GRID1: variants seen among roughly 807,000 people sequenced by gnomAD.
GRID1 encodes glutamate receptor ionotropic, delta-1.
In GRID1, 28 loss-of-function variants were observed where a neutral mutation model predicts 98.0. That is an observed-to-expected ratio of 0.29 (90% confidence interval 0.21 to 0.39). The LOEUF is 0.39. Among genes scored for constraint, GRID1 ranks in the 10% least tolerant of loss-of-function variants. The probability of loss-of-function intolerance (pLI) is 1.00; values close to 1 mark genes in which losing one functional copy is unlikely to be tolerated. For missense variants in GRID1, 1,111 were observed against 1,340.5 expected (o/e 0.83, Z 2.67); for synonymous variants, 553 against 538.5 (o/e 1.03, Z -0.37).
intron 2 of GRID1, among the ~76,000 whole-genome samples, chr10:86,273,754 G>T (rs1373704745): frequency 1.3e-5 from 2 of 152,048 alleles, no homozygotes; most frequent in Admixed American, 1.3e-4. Context: ...ACTTTTTGAT[G>T]GGGTTGTTTG....
chr10:86,122,178 G>C (rs1373847006), intron 4 of GRID1, among the ~76,000 whole-genome samples: 1 of 152,202 alleles, frequency 6.6e-6, no homozygotes, highest in African/African-American at 2.4e-5. Flanking sequence ...CCACAGCCTT[G>C]GGAGTAAGCA....
intron 8 of GRID1, among the ~76,000 whole-genome samples, chr10:85,767,659 G>A (rs1313038224): frequency 6.6e-6 from 1 of 152,130 alleles, no homozygotes; most frequent in Non-Finnish European, 1.5e-5. Flanking sequence ...AAGGGAAAGC[G>A]GTGGGCATTT....
At chr10:85,938,163 C>A (rs776153685) in intron 4 of GRID1, among the ~76,000 whole-genome samples, 3 of 152,210 alleles carry the variant, frequency 2.0e-5, no homozygotes, top group Non-Finnish European at 2.9e-5. Context: ...CAGGGGGAAT[C>A]TGGATGGGAG....
chr10:86,296,202 T>C (rs1262566313), intron 2 of GRID1, among the ~76,000 whole-genome samples: 1 of 152,198 alleles, frequency 6.6e-6, no homozygotes, highest in Non-Finnish European at 1.5e-5. Flanking sequence ...GTGAAACCAT[T>C]AGCAAAATTC....
chr10:86,056,947 C>A (rs1293706944), intron 4 of GRID1, among the ~76,000 whole-genome samples: 1 of 152,242 alleles, frequency 6.6e-6, no homozygotes, highest in African/African-American at 2.4e-5. Flanking sequence ...TCCTGCAGAG[C>A]TGGCGAACTG....
chr10:86,211,155 C>G (rs1846102283), intron 2 of GRID1, among the ~76,000 whole-genome samples: 2 of 152,234 alleles, frequency 1.3e-5, no homozygotes, highest in South Asian at 4.1e-4. Context: ...ATGTGGACAG[C>G]CATTCATGCT....
At chr10:85,826,228 G>A (rs987046861) in intron 8 of GRID1, among the ~76,000 whole-genome samples, 24 of 152,200 alleles carry the variant, frequency 1.6e-4, no homozygotes, top group African/African-American at 4.8e-4. Context: ...CCAGCTACTC[G>A]GGAGGCTAAG....
At chr10:86,012,861 T>C (rs1385185953) in intron 4 of GRID1, among the ~76,000 whole-genome samples, 1 of 152,224 alleles carries the variant, frequency 6.6e-6, no homozygotes, top group Non-Finnish European at 1.5e-5. Context: ...AATAAATTAC[T>C]ATTGTTTATA....
At chr10:85,672,099 C>T (rs756953764) in intron 12 of GRID1, among the ~76,000 whole-genome samples, 9 of 152,196 alleles carry the variant, frequency 5.9e-5, no homozygotes, top group Non-Finnish European at 1.2e-4. Context: ...GAAGATCTAG[C>T]TAAGATCATT....
chr10:86,055,888 C>G (rs1011809406), intron 4 of GRID1, among the ~76,000 whole-genome samples: 2 of 152,146 alleles, frequency 1.3e-5, no homozygotes, highest in Non-Finnish European at 2.9e-5. Context: ...AGAAAAAGAG[C>G]CCTTGCCAGA....
intron 12 of GRID1, among the ~76,000 whole-genome samples, chr10:85,716,801 T>C (rs1295809931): frequency 1.3e-5 from 2 of 151,200 alleles, no homozygotes; most frequent in South Asian, 2.1e-4. Flanking sequence ...GAGGATATTA[T>C]GTTACGTTAA....
intron 4 of GRID1, among the ~76,000 whole-genome samples, chr10:86,020,799 C>T (rs1409632552): frequency 2.6e-5 from 4 of 152,174 alleles, no homozygotes; most frequent in Admixed American, 2.6e-4. Flanking sequence ...CTGGGAGCAG[C>T]ATCTTCCTGG....
At chr10:85,739,663 C>T (rs138679344) in intron 8 of GRID1, among the ~76,000 whole-genome samples, 27 of 152,166 alleles carry the variant, frequency 1.8e-4, no homozygotes, top group South Asian at 4.2e-4. Flanking sequence ...GCTTTAATTA[C>T]ATGGAGCTAG....
At chr10:86,024,151 T>C (rs1024132124) in intron 4 of GRID1, among the ~76,000 whole-genome samples, 22 of 152,206 alleles carry the variant, frequency 1.4e-4, no homozygotes, top group African/African-American at 5.3e-4. Context: ...GAATGGGCAG[T>C]CCGGGATGAG....
At chr10:85,682,771 T>C (rs1281842578) in intron 12 of GRID1, among the ~76,000 whole-genome samples, 1 of 152,188 alleles carries the variant, frequency 6.6e-6, no homozygotes, top group East Asian at 1.9e-4. Context: ...CAACACAGCC[T>C]TGGGCAGATT....
intron 4 of GRID1, among the ~76,000 whole-genome samples, chr10:86,049,878 T>C (rs1303613336): frequency 2.0e-5 from 3 of 152,250 alleles, no homozygotes; most frequent in African/African-American, 4.8e-5. Context: ...TTTAATAGAA[T>C]GTCTATGTTG....
At chr10:86,145,259 G>C (rs1288708222) in intron 3 of GRID1, among the ~76,000 whole-genome samples, 1 of 152,114 alleles carries the variant, frequency 6.6e-6, no homozygotes, top group Non-Finnish European at 1.5e-5. Context: ...TCTCGCTCTT[G>C]TTGCCCAGGC....
chr10:86,129,713 G>A (rs995080787), intron 4 of GRID1, among the ~76,000 whole-genome samples: 1 of 152,208 alleles, frequency 6.6e-6, no homozygotes. Context: ...CTTCCACCCA[G>A]GAAGCTCATC....
intron 13 of GRID1, among the ~76,000 whole-genome samples, chr10:85,643,506 G>A (rs1007106110): frequency 6.6e-6 from 1 of 152,146 alleles, no homozygotes; most frequent in African/African-American, 2.4e-5. Flanking sequence ...CAGAGGGGCC[G>A]CTCCATAGGA....
Sources: gnomAD v4.1 joint callset for allele counts (sites outside exome capture counted in the v4.1 genomes callset) on GRCh38, gnomAD v4.1.1 for gene constraint, MANE v1.5 for transcripts, NCBI Gene and HGNC (gene_info 2026-07-23, HGNC 2026-07-21) for gene names.